KLF13: variants seen among roughly 807,000 people sequenced by gnomAD.
KLF13 encodes the protein KLF transcription factor 13.
Under a neutral mutation model 16.7 loss-of-function variants are expected in KLF13, and 8 were observed. The ratio of observed to expected loss-of-function variants is 0.48; its 90% CI spans 0.28 to 0.87. KLF13 has a LOEUF of 0.87. KLF13 is among the 40% of genes least tolerant of loss of function. The pLI, the probability that KLF13 is intolerant of heterozygous loss-of-function variation, is 0.10. For synonymous variants in KLF13, 245 were observed against 208.4 expected (o/e 1.18, Z -1.51); for missense variants, 447 against 452.2 (o/e 0.99, Z 0.10).
chr15:31,391,264 G>C (rs1475677070), upstream of KLF13, among the ~76,000 whole-genome samples: 3 of 117,616 alleles, frequency 2.6e-5, no homozygotes, highest in Non-Finnish European at 5.4e-5. Context: ...TGGGTGTTGG[G>C]CTGTGGGGGG....
At chr15:31,368,872 C>T (rs1195368149) in intron 1 of KLF13, among the ~76,000 whole-genome samples, 1 of 151,988 alleles carries the variant, frequency 6.6e-6, no homozygotes, top group East Asian at 1.9e-4. Flanking sequence ...ACCCATAACA[C>T]AGAGGAGCTT....
At chr15:31,423,139 G>GTATATATATGTATATATATATACGTATA (rs1491468052) in intron 1 of KLF13, among the ~76,000 whole-genome samples, 1 of 15,156 alleles carries the variant, frequency 6.6e-5, no homozygotes, top group Non-Finnish European at 1.2e-4. Context: ...ATACGTATAC[G>GTATATATATGTATATATATATACGTATA]TATACGTATA....
At chr15:31,393,432 C>T (rs1595495001) in intron 1 of KLF13, 1 of 142,874 alleles carries the variant, frequency 7.0e-6, no homozygotes, top group Non-Finnish European at 1.6e-5. Context: ...GTCCCCCCCC[C>T]GTCCCCCTCA....
chr15:31,363,241 G>A (rs1442948410), intron 1 of KLF13, among the ~76,000 whole-genome samples: 1 of 152,232 alleles, frequency 6.6e-6, no homozygotes, highest in Non-Finnish European at 1.5e-5. Context: ...TGATGGATGA[G>A]GTGGAGCATC....
At chr15:31,328,201 C>A (rs1464398628) in intron 1 of KLF13, among the ~76,000 whole-genome samples, 7 of 150,426 alleles carry the variant, frequency 4.7e-5, no homozygotes, top group Non-Finnish European at 1.0e-4. Flanking sequence ...GGACGCTCTC[C>A]GGGGTCCCTC....
intron 1 of KLF13, among the ~76,000 whole-genome samples, chr15:31,361,543 T>TC (rs1321399535): frequency 2.0e-5 from 3 of 147,056 alleles, no homozygotes; most frequent in Non-Finnish European, 4.5e-5. Flanking sequence ...GCAGGCAAGG[T>TC]CCCCCCCAGG....
In KLF13 at chr15:31,423,117, A is replaced by ATATATATATG; in HGVS notation, n.118-12249_118-12248insTATATGTATA. Among the ~76,000 whole-genome samples, 2 of 126,934 alleles carry ATATATATATG rather than the reference A, an allele frequency of 1.6e-5. 1 individual carries two copies. Among genetic ancestry groups the ATATATATATG allele is most frequent in the East Asian group, 4.1e-4 (2 of 4,830 alleles). The allele number at this position is 126,934 out of a possible 152,430, so 83.3% of individuals were successfully genotyped here. ...TATATATACGTATACGTATACGTATATATACGTATATATACGTATACGTAT... is the reference window on the plus strand; with the variant it reads ...TATATATACGTATACGTATACGTATATATATATATGTATACGTATATATACGTATACGTAT... On this transcript the variant is annotated intron_variant and non_coding_transcript_variant, in intron 1 of 1. Transcript: ENST00000558225.
downstream of KLF13, among the ~76,000 whole-genome samples, chr15:31,408,524 A>G (rs535126721): frequency 1.3e-5 from 2 of 152,384 alleles, no homozygotes; most frequent in Admixed American, 6.5e-5. Context: ...TTATATAATG[A>G]GAATAACCAT....
chr15:31,399,215 T>A (rs1449763710), intron 2 of KLF13, among the ~76,000 whole-genome samples: 2 of 152,154 alleles, frequency 1.3e-5, no homozygotes, highest in Non-Finnish European at 1.5e-5. Flanking sequence ...ATCCCTGAGT[T>A]TTCCCCCTGC....
At chr15:31,339,343 A>G (rs1348400528) in intron 1 of KLF13, among the ~76,000 whole-genome samples, 1 of 151,842 alleles carries the variant, frequency 6.6e-6, no homozygotes, top group East Asian at 1.9e-4. Context: ...TCTTCCCTTT[A>G]TAGGAGGAAT....
At chr15:31,427,877 C>A (rs1157937287) in intron 1 of KLF13, among the ~76,000 whole-genome samples, 2 of 152,144 alleles carry the variant, frequency 1.3e-5, no homozygotes, top group Non-Finnish European at 2.9e-5. Context: ...CAAGTACTCA[C>A]TCACTATCAT....
intron 1 of KLF13, among the ~76,000 whole-genome samples, chr15:31,433,901 G>T (rs1352100991): frequency 6.6e-6 from 1 of 152,234 alleles, no homozygotes; most frequent in Non-Finnish European, 1.5e-5. Context: ...GCCTAGCTCA[G>T]GGTCTTATCT....
chr15:31,327,020 C>G lies in KLF13; in HGVS notation c.-193C>G, dbSNP rs2038719926. The G allele has an allele frequency of 3.4e-6, 1 of 291,524 alleles. No individual in the cohort carries two copies. Among genetic ancestry groups the G allele is most frequent in the Non-Finnish European group, 5.3e-6 (1 of 188,368 alleles). The allele number at this position is 291,524 out of a possible 1,614,324, so 18.1% of individuals were successfully genotyped here. A position where few individuals can be genotyped will look rare whatever the true frequency, so the allele number is the denominator to read the frequency against. On this transcript the variant is annotated 5_prime_UTR_variant, in exon 1 of 2. Transcript: ENST00000307145. ...ATGCGCTCACTCTTCGGTGCCCGGC[C>G]GGGCCGGCGCCTCGCAGACGCGGAG...
At chr15:31,331,526 T>TG (rs142696163) in intron 1 of KLF13, among the ~76,000 whole-genome samples, 36,467 of 152,224 alleles carry the variant, frequency 0.24, 5,495 homozygotes, top group Non-Finnish European at 0.33. Flanking sequence ...CTGATGCTGC[T>TG]GCCTGGGAAA....
At chr15:31,331,021 G>A (rs1218308979) in intron 1 of KLF13, among the ~76,000 whole-genome samples, 1 of 152,236 alleles carries the variant, frequency 6.6e-6, no homozygotes, top group Non-Finnish European at 1.5e-5. Context: ...GGAGAGTCCT[G>A]CGTGTTGTCC....
chr15:31,397,541 T>A (rs985992022), intron 2 of KLF13, among the ~76,000 whole-genome samples: 9 of 152,230 alleles, frequency 5.9e-5, no homozygotes, highest in Admixed American at 5.2e-4. Context: ...GGGAAGTTCC[T>A]GGGCCTGTTT....
At chr15:31,410,460 G>C (rs1232755964) in intron 1 of KLF13, among the ~76,000 whole-genome samples, 1 of 152,016 alleles carries the variant, frequency 6.6e-6, no homozygotes, top group Non-Finnish European at 1.5e-5. Context: ...CCAAGTGGCA[G>C]AATAAAAAGG....
chr15:31,412,056 A>G (rs1042955505), intron 1 of KLF13, among the ~76,000 whole-genome samples: 7 of 152,288 alleles, frequency 4.6e-5, no homozygotes, highest in East Asian at 1.9e-4. Flanking sequence ...GAATTCCCCA[A>G]TGTAATTATG....
At chr15:31,432,873 G>T (rs919689802) in intron 1 of KLF13, among the ~76,000 whole-genome samples, 1 of 152,058 alleles carries the variant, frequency 6.6e-6, no homozygotes, top group African/African-American at 2.4e-5. Flanking sequence ...CCAACACTTT[G>T]GGAGGCCGAG....
Sources: gnomAD v4.1 joint callset for allele counts (sites outside exome capture counted in the v4.1 genomes callset) on GRCh38, gnomAD v4.1.1 for gene constraint, MANE v1.5 for transcripts, NCBI Gene and HGNC (gene_info 2026-07-23, HGNC 2026-07-21) for gene names.